Variants in MAP3K6 observed in about 807,000 individuals in gnomAD.
MAP3K6 encodes apoptosis signal-regulating kinase 2.
A neutral mutation model predicts 147.1 loss-of-function variants in MAP3K6; 105 were observed. The observed-to-expected ratio is 0.71, with a 90% CI of 0.61 to 0.84. The LOEUF is 0.84. MAP3K6 is among the 40% of genes least tolerant of loss of function. The pLI, the probability that MAP3K6 is intolerant of heterozygous loss-of-function variation, is 0.00. For synonymous variants in MAP3K6, 695 were observed against 732.4 expected (o/e 0.95, Z 0.82); for missense variants, 1,569 against 1,715.0 (o/e 0.91, Z 1.50).
rs2015689971 is a variant in MAP3K6 at position 27,360,105 on chromosome 1, C to T, written c.2183-111G>A. ...TGTAGCCCAACTCCATCACCCAGCG[C>T]CACTCCTCAGCTAATTCTAGGCTAC... On this transcript the variant is annotated intron_variant, in intron 16 of 28. Transcript: ENST00000357582. This position sits in a 1 kb window ranked among gnomAD's most constrained non-coding sequence, Gnocchi z 4.5. 6.3e-7 allele frequency: 1 copy of T among 1,578,376 alleles called. No homozygotes were observed. Among genetic ancestry groups the T allele is most frequent in the Admixed American group, 1.7e-5 (1 of 58,822 alleles).
Position 27,361,799 on chromosome 1 carries a change from C to A in MAP3K6, c.1484G>T (p.Gly495Val). 6.2e-7 allele frequency: 1 copy of A among 1,609,904 alleles called. No individual in the cohort carries two copies. The highest frequency in any genetic ancestry group is 8.5e-7 in the Non-Finnish European group (1 of 1,177,950). The change falls in exon 10 of 29, where the codon GGA becomes GTA. Residue 495 changes from glycine (G) to valine (V), a missense_variant. Transcript: ENST00000357582. ...GAAGTGGGCACGGCGTGGTGGCCCTCCAGGGGGCTCTGGCGTGGGCCTGAA... is the reference window on the plus strand; with the variant it reads ...GAAGTGGGCACGGCGTGGTGGCCCTACAGGGGGCTCTGGCGTGGGCCTGAA... ...QHFRPTPEPP[G>V]GPPRRAHFWL...
In MAP3K6 at chr1:27,355,237, G is replaced by A. The variant is rs997337093; in HGVS notation, c.*154C>T. On this transcript the variant is annotated 3_prime_UTR_variant, in exon 29 of 29. Transcript: ENST00000357582. ...GTCTGGTAGTGCTTGGGTGCCTGTG[G>A]TTGGTTTCTCTCACTGGAACCAGTC... 2.0e-5 allele frequency: 15 copies of A among 754,658 alleles called. No individual in the cohort carries two copies. The Admixed American group carries it at 2.3e-4, about 11-fold the overall frequency. 46.7% of individuals were successfully genotyped at this position (754,658 alleles called of 1,614,324 possible). A position where few individuals can be genotyped will look rare whatever the true frequency, so the allele number is the denominator to read the frequency against.
rs780897247 is a variant in MAP3K6 at position 27,360,767 on chromosome 1, C to T, written c.1992G>A (p.Ala664=). ...LGKGTYGVVY[A]GRDRHTRVRI... ...GCACCCTCGTGTGGCGATCGCGGCCCGCGTACACCACCCCATACGTGCCCT... is the reference window on the plus strand; with the variant it reads ...GCACCCTCGTGTGGCGATCGCGGCCTGCGTACACCACCCCATACGTGCCCT... Residue 664 remains alanine (A), a synonymous_variant, in exon 15 of 29, where the codon GCG becomes GCA. Transcript: ENST00000357582. This position sits in a 1 kb window ranked among gnomAD's most constrained non-coding sequence, Gnocchi z 4.5. 10 of 1,612,578 alleles carry T rather than the reference C, an allele frequency of 6.2e-6. 1 individual carries two copies. The South Asian group carries it at 1.1e-4, about 18-fold the overall frequency.
chr1:27,361,013 A>G lies in MAP3K6; in HGVS notation c.1833-5T>C. ...GCCTGGATCAGGCCGCAGAACCTGA[A>G]GGTGGGGGAGGTCAGACCCGCGGGA... On this transcript the variant is annotated splice_region_variant and splice_polypyrimidine_tract_variant and intron_variant, in intron 13 of 28. Coordinates refer to ENST00000357582, the MANE Select transcript of MAP3K6 (RefSeq NM_004672.5). The G allele has an allele frequency of 6.3e-7, 1 of 1,581,508 alleles. No individual in the cohort carries two copies. The highest frequency in any genetic ancestry group is 8.6e-7 in the Non-Finnish European group (1 of 1,162,980).
In MAP3K6 at chr1:27,364,573, G is replaced by T; in HGVS notation, c.504+88C>A. On this transcript the variant is annotated intron_variant, in intron 3 of 28. Coordinates refer to ENST00000357582, the MANE Select transcript of MAP3K6 (RefSeq NM_004672.5). This position sits in a 1 kb window ranked among gnomAD's most constrained non-coding sequence, Gnocchi z 4.4. Reference sequence around the variant, plus strand: ...TTGGGATGTCAGTGGGGGGTTAGGTGACTGAGGAGGCCAGGGGGATTAGTG... The same window carrying T: ...TTGGGATGTCAGTGGGGGGTTAGGTTACTGAGGAGGCCAGGGGGATTAGTG... 6.3e-7 allele frequency: 1 copy of T among 1,594,254 alleles called. No individual in the cohort carries two copies. Among genetic ancestry groups the T allele is most frequent in the South Asian group, 1.1e-5 (1 of 90,492 alleles).
chr1:27,360,354 A>C lies in MAP3K6; in HGVS notation c.2069T>G (p.Leu690Arg). ...TCTGTGAAGAGCGATCTCTTCATGC[A>C]GGGGCTGAGAGAACCTGAGGGGAGG... is the stretch of plus-strand genomic sequence containing the variant. ...PERDSRFSQP[L>R]HEEIALHRRL... The change falls in exon 16 of 29, where the codon CTG becomes CGG. Residue 690 changes from leucine (L) to arginine (R), a missense_variant. Transcript: ENST00000357582. The surrounding 1 kb of genome is among the most constrained non-coding windows in gnomAD (Gnocchi z 4.5). 1 of 1,613,752 alleles carries C rather than the reference A, an allele frequency of 6.2e-7. No individual in the cohort carries two copies. Among genetic ancestry groups the C allele is most frequent in the East Asian group, 2.2e-5 (1 of 44,866 alleles).
At position 27,355,702 on chromosome 1, in the gene MAP3K6, G is replaced by GC; in HGVS notation, c.3754dup (p.Ala1252GlyfsTer5). 6.2e-7 allele frequency: 1 copy of GC among 1,612,564 alleles called. No individual in the cohort carries two copies. The highest frequency in any genetic ancestry group is 8.5e-7 in the Non-Finnish European group (1 of 1,179,488). On this transcript the variant is annotated frameshift_variant, in exon 28 of 29. Coordinates refer to ENST00000357582, the MANE Select transcript of MAP3K6 (RefSeq NM_004672.5). LOFTEE classifies it high-confidence loss of function. ...GGTGTAGATGAGGTCATCTCGAGTG[G>GC]CATAGGTGAGCAGAGTGTGGAGGGT...
At position 27,358,299 on chromosome 1, in the gene MAP3K6, T is replaced by A. The variant is rs2148049213; in HGVS notation, c.2797A>T (p.Thr933Ser). 1 of 1,606,056 alleles carries A rather than the reference T, an allele frequency of 6.2e-7. No homozygotes were observed. Among genetic ancestry groups the A allele is most frequent in the Middle Eastern group, 1.7e-4 (1 of 6,010 alleles). ...TGGGTGGTTGAGTTGGCTGAAGGAG[T>A]GGGACTGGCAGAAGGGGCATCTGAG... is the stretch of plus-strand genomic sequence containing the variant. Reference protein sequence around the residue: ...RPSDAPSASPTPSANSTTQSQ... With the variant: ...RPSDAPSASPSPSANSTTQSQ... Residue 933 changes from threonine (T) to serine (S), a missense_variant, in exon 21 of 29, where the codon ACT (threonine) becomes TCT (serine). By Grantham distance (58) the Thr-to-Ser change is moderately conservative. Transcript: ENST00000357582. The surrounding 1 kb of genome is among the most constrained non-coding windows in gnomAD (Gnocchi z 6.2).
intron 24 of MAP3K6, 72 bp downstream of exon 24, chr1:27,356,918 GCCTGGCCCCCACCGGCCCC>G: frequency 6.9e-7 from 1 of 1,449,244 alleles, no homozygotes; most frequent in African/African-American, 1.4e-5. Flanking sequence ...CCCCTGTCCC[GCCTGGCCCCCACCGGCCCC>G]ATTCGATGTT....
chr1:27,365,931 C>G (rs569777500), intron 1 of MAP3K6, among the ~76,000 whole-genome samples: 69 of 149,774 alleles, frequency 4.6e-4, no homozygotes, highest in African/African-American at 1.7e-3. Flanking sequence ...CCGCGCCGCT[C>G]CCCGCCCCGC....
chr1:27,357,511 A>G lies in MAP3K6; in HGVS notation c.3147T>C (p.Thr1049=), dbSNP rs1571062283. ...LLRCLGAHIH[T]PNRRQLAQEL... ...CCTGGGCGAGCTGCCGGCGGTTGGG[A>G]GTGTGGATGTGTGCCCCGAGGCAGC... The change falls in exon 23 of 29, where the codon ACT becomes ACC. Residue 1049 remains threonine, a synonymous_variant. Coordinates refer to ENST00000357582, the MANE Select transcript of MAP3K6 (RefSeq NM_004672.5). 2 of 1,613,194 alleles carry G rather than the reference A, an allele frequency of 1.2e-6. No homozygotes were observed.
intron 27 of MAP3K6, 136 bp from the exon 28 acceptor site, chr1:27,355,881 T>C (rs1039012532): frequency 1.7e-6 from 2 of 1,143,486 alleles, no homozygotes; most frequent in Non-Finnish European, 2.6e-6. Flanking sequence ...AGTTTTCTCA[T>C]CCATACAATG....
chr1:27,359,728 C>T lies in MAP3K6; in HGVS notation c.2319+130G>A. ...CCTTTCCCCTCCTTCTCTAAGGAGC[C>T]TCCCTGATGAATTCCCTACCCTTTG... On this transcript the variant is annotated intron_variant, in intron 17 of 28. Transcript: ENST00000357582. This position sits in a 1 kb window ranked among gnomAD's most constrained non-coding sequence, Gnocchi z 4.4. The T allele has an allele frequency of 1.4e-6, 2 of 1,430,996 alleles. No homozygotes were observed. The highest frequency in any genetic ancestry group is 1.9e-6 in the Non-Finnish European group (2 of 1,049,594). 88.6% of individuals were successfully genotyped at this position (1,430,996 alleles called of 1,614,324 possible). A position where few individuals can be genotyped will look rare whatever the true frequency, so the allele number is the denominator to read the frequency against.
At position 27,358,265 on chromosome 1, in the gene MAP3K6, G is replaced by A. The variant is rs547519682; in HGVS notation, c.2831C>T (p.Thr944Ile). 136 of 1,605,588 alleles carry A rather than the reference G, an allele frequency of 8.5e-5. 1 individual carries two copies. In the South Asian group the frequency reaches 1.5e-3, roughly 18 times the overall value. The change falls in exon 21 of 29, where the codon ACA becomes ATA. Residue 944 changes from threonine (T) to isoleucine (I), a missense_variant. Physicochemically the swap from Thr to Ile is moderately conservative, Grantham distance 89. Coordinates refer to ENST00000357582, the MANE Select transcript of MAP3K6 (RefSeq NM_004672.5). The surrounding 1 kb of genome is among the most constrained non-coding windows in gnomAD (Gnocchi z 6.2). Reference protein sequence around the residue: ...PSANSTTQSQTFPCPQAPSQH... With the variant: ...PSANSTTQSQIFPCPQAPSQH... Reference sequence around the variant, plus strand: ...AGAGGGTGCCTGAGGGCACGGGAATGTCTGAGACTGGGTGGTTGAGTTGGC... The same window carrying A: ...AGAGGGTGCCTGAGGGCACGGGAATATCTGAGACTGGGTGGTTGAGTTGGC...
In MAP3K6 at chr1:27,361,217, T is replaced by A. The variant is rs537845841; in HGVS notation, c.1772A>T (p.Tyr591Phe). 1 of 1,612,796 alleles carries A rather than the reference T, an allele frequency of 6.2e-7. No homozygotes were observed. Among genetic ancestry groups the A allele is most frequent in the Non-Finnish European group, 8.5e-7 (1 of 1,179,798 alleles). Residue 591 changes from tyrosine (Y) to phenylalanine (F), a missense_variant, in exon 13 of 29, where the codon TAT becomes TTT. Transcript: ENST00000357582. ...SKRDERCCFL[Y>F]ALPPAQDVQL... ...GACGTCCTGAGCCGGGGGGAGTGCA[T>A]AGAGGAAGCAGCAGCGCTCGTCGCG...
At chr1:27,356,156 C>A in intron 26 of MAP3K6, 57 bp from the exon 27 acceptor site, 1 of 1,491,896 alleles carries the variant, frequency 6.7e-7, no homozygotes, top group Non-Finnish European at 9.3e-7. Flanking sequence ...GAAGCTGCCT[C>A]GAACCCACCA....
rs763899856 is a variant in MAP3K6, at chr1:27,358,851, A to G, written c.2441T>C (p.Met814Thr). 6.3e-7 allele frequency: 1 copy of G among 1,588,212 alleles called. No homozygotes were observed. Among genetic ancestry groups the G allele is most frequent in the Non-Finnish European group, 8.6e-7 (1 of 1,166,842 alleles). ...GCCCTGGTCAATGATTTCTGGGGCC[A>G]TATACTGCAGAGTTCCTAGGACAGA... ...TETFTGTLQY[M>T]APEIIDQGPR... The change falls in exon 19 of 29, where the codon ATG becomes ACG. Residue 814 changes from methionine (M) to threonine (T), a missense_variant. Coordinates refer to ENST00000357582, the MANE Select transcript of MAP3K6 (RefSeq NM_004672.5). This position sits in a 1 kb window ranked among gnomAD's most constrained non-coding sequence, Gnocchi z 6.2.
Position 27,364,301 on chromosome 1 carries a change from C to A in MAP3K6, c.598G>T (p.Asp200Tyr), listed in dbSNP as rs41291098. The stretch of plus-strand genomic sequence containing the variant: ...CCCACTCCAGCCTGTACCAGCCCAT[C>A]AGCCAGGCCCCGCAGAAGGCCTGCA... ...GDAGLLRGLA[D>Y]GLVQAGVGTE... Residue 200 changes from aspartate (D) to tyrosine (Y), a missense_variant, in exon 4 of 29, where the codon GAT becomes TAT. Transcript: ENST00000357582. The surrounding 1 kb of genome is among the most constrained non-coding windows in gnomAD (Gnocchi z 4.4). 3.8e-3 allele frequency: 6,170 copies of A among 1,614,024 alleles called. 19 individuals carry two copies. The highest frequency in any genetic ancestry group is 4.6e-3 in the Non-Finnish European group (5,416 of 1,180,028).
At position 27,361,217 on chromosome 1, in the gene MAP3K6, T is replaced by C. The variant is rs537845841; in HGVS notation, c.1772A>G (p.Tyr591Cys). 6.2e-7 allele frequency: 1 copy of C among 1,612,912 alleles called. No individual in the cohort carries two copies. The highest frequency in any genetic ancestry group is 8.5e-7 in the Non-Finnish European group (1 of 1,179,790). The change falls in exon 13 of 29, where the codon TAT becomes TGT. Residue 591 changes from tyrosine (Y) to cysteine (C), a missense_variant. Coordinates refer to ENST00000357582, the MANE Select transcript of MAP3K6 (RefSeq NM_004672.5). ...SKRDERCCFL[Y>C]ALPPAQDVQL... ...GACGTCCTGAGCCGGGGGGAGTGCA[T>C]AGAGGAAGCAGCAGCGCTCGTCGCG... is the stretch of plus-strand genomic sequence containing the variant.
Sources: gnomAD v4.1 joint callset for allele counts (sites outside exome capture counted in the v4.1 genomes callset) on GRCh38, gnomAD v4.1.1 for gene constraint, Gnocchi (gnomAD v3.1) non-coding constraint, MANE v1.5 for transcripts, NCBI Gene and HGNC (gene_info 2026-07-23, HGNC 2026-07-21) for gene names.